CDH10: variants seen among roughly 807,000 people sequenced by gnomAD.
CDH10 encodes the protein cadherin 10.
CDH10 carries 30 observed loss-of-function variants against 73.1 expected under a neutral mutation model. That is an observed-to-expected ratio of 0.41 (90% confidence interval 0.31 to 0.56). The LOEUF (loss-of-function observed/expected upper bound fraction) is 0.56. Ranked by LOEUF, CDH10 falls within the 20% of genes least tolerant of loss-of-function variation. The pLI, the probability that CDH10 is intolerant of heterozygous loss-of-function variation, is 0.27. For synonymous variants in CDH10, 345 were observed against 348.2 expected, an observed-to-expected ratio of 0.99 and a Z score of 0.10; for missense variants, 815 against 973.7, an observed-to-expected ratio of 0.84 and a Z score of 2.17.
intron 1 of CDH10, among the ~76,000 whole-genome samples, chr5:24,618,607 G>T (rs1164805063): frequency 1.3e-5 from 2 of 152,114 alleles, no homozygotes; most frequent in African/African-American, 4.8e-5. Flanking sequence ...AACAAGTACT[G>T]GTTCTAGCCA....
At chr5:24,564,639 G>A (rs1745101459) in intron 2 of CDH10, among the ~76,000 whole-genome samples, 2 of 152,090 alleles carry the variant, frequency 1.3e-5, no homozygotes, top group Non-Finnish European at 2.9e-5. Context: ...TTTAAAACAT[G>A]AATTCACATC....
At chr5:24,634,198 C>T (rs1053919255) in intron 1 of CDH10, among the ~76,000 whole-genome samples, 1 of 151,686 alleles carries the variant, frequency 6.6e-6, no homozygotes, top group Non-Finnish European at 1.5e-5. Context: ...ATTCAATAAC[C>T]ATTTCTTGGG....
At chr5:24,604,901 ACAAACAAAC>A (rs1746704564) in intron 1 of CDH10, among the ~76,000 whole-genome samples, 4 of 150,168 alleles carry the variant, frequency 2.7e-5, no homozygotes, top group African/African-American at 1.0e-4. Context: ...AAAAACAAAA[ACAAACAAAC>A]AAACAAAAGA....
intron 8 of CDH10, among the ~76,000 whole-genome samples, chr5:24,501,575 T>C (rs1315334766): frequency 6.6e-6 from 1 of 152,204 alleles, no homozygotes; most frequent in South Asian, 2.1e-4. Flanking sequence ...GATCTTAAAA[T>C]GTATGTCCTA....
At chr5:24,514,732 A>C (rs1579744481) in intron 5 of CDH10, among the ~76,000 whole-genome samples, 2 of 152,266 alleles carry the variant, frequency 1.3e-5, no homozygotes, top group Middle Eastern at 3.4e-3. Flanking sequence ...TAAAATCTTC[A>C]TTATTACTAG....
chr5:24,591,546 A>C lies in CDH10; in HGVS notation c.231+1714T>G, dbSNP rs148619623. On this transcript the variant is annotated intron_variant, in intron 2 of 11. Transcript: ENST00000264463. ...GAGTTGTATATCAAGATGCATATAT[A>C]TTAAGTTTACCAACTTAATTGTCTT... 3.6e-3 allele frequency among the ~76,000 whole-genome samples: 547 copies of C among 152,058 alleles called. 1 individual carries two copies. Among genetic ancestry groups the C allele is most frequent in the Middle Eastern group, 0.014 (4 of 294 alleles).
At chr5:24,613,522 G>GAA (rs34515702) in intron 1 of CDH10, among the ~76,000 whole-genome samples, 2,151 of 122,716 alleles carry the variant, frequency 0.018, 32 homozygotes, top group African/African-American at 0.032. Context: ...TCTTTGCTGG[G>GAA]AAAAAAAAAA....
chr5:24,616,547 T>C (rs1000088976), intron 1 of CDH10, among the ~76,000 whole-genome samples: 1 of 152,064 alleles, frequency 6.6e-6, no homozygotes, highest in Non-Finnish European at 1.5e-5. Flanking sequence ...ATTAGTAGAT[T>C]GCAATTTTTT....
At chr5:24,640,900 CAAGA>C (rs879718399) in intron 1 of CDH10, among the ~76,000 whole-genome samples, 1 of 151,792 alleles carries the variant, frequency 6.6e-6, no homozygotes. Context: ...TTAAAAAAAT[CAAGA>C]GTTACTTTTT....
At chr5:24,562,953 A>C (rs559402337) in intron 2 of CDH10, among the ~76,000 whole-genome samples, 8 of 152,220 alleles carry the variant, frequency 5.3e-5, no homozygotes, top group Non-Finnish European at 1.2e-4. Context: ...TTCAGTTGGC[A>C]TTTCTTACAA....
intron 2 of CDH10, among the ~76,000 whole-genome samples, chr5:24,582,308 T>C (rs920624478): frequency 1.3e-5 from 2 of 152,148 alleles, no homozygotes; most frequent in Non-Finnish European, 2.9e-5. Flanking sequence ...ACAACAATAT[T>C]TGGCAAAAGA....
At chr5:24,528,854 C>T (rs887609631) in intron 5 of CDH10, among the ~76,000 whole-genome samples, 9 of 151,744 alleles carry the variant, frequency 5.9e-5, no homozygotes, top group African/African-American at 1.9e-4. Flanking sequence ...GCTTAAAAGC[C>T]GAATAACCTG....
intron 1 of CDH10, among the ~76,000 whole-genome samples, chr5:24,640,954 GTAT>G (rs1313863752): frequency 4.6e-5 from 7 of 151,886 alleles, no homozygotes; most frequent in Non-Finnish European, 8.8e-5. Context: ...AGCAAAAGTT[GTAT>G]TAATAATTTT....
intron 5 of CDH10, among the ~76,000 whole-genome samples, chr5:24,531,214 G>A (rs976130489): frequency 6.6e-6 from 1 of 151,966 alleles, no homozygotes; most frequent in Admixed American, 6.6e-5. Flanking sequence ...CCCTTCCCCA[G>A]TCACCAAATC....
intron 7 of CDH10, among the ~76,000 whole-genome samples, chr5:24,506,628 T>C (rs1243128777): frequency 6.6e-6 from 1 of 152,182 alleles, no homozygotes; most frequent in Non-Finnish European, 1.5e-5. Flanking sequence ...TCAATGAGTA[T>C]TATTTGATTA....
intron 2 of CDH10, among the ~76,000 whole-genome samples, chr5:24,551,704 C>A (rs886704919): frequency 6.6e-6 from 1 of 152,042 alleles, no homozygotes; most frequent in Non-Finnish European, 1.5e-5. Flanking sequence ...TAGAGATATT[C>A]ATTTAGTCAT....
chr5:24,530,197 T>C (rs948497002), intron 5 of CDH10, among the ~76,000 whole-genome samples: 3 of 151,726 alleles, frequency 2.0e-5, no homozygotes, highest in Non-Finnish European at 2.9e-5. Flanking sequence ...AGACATTCTC[T>C]GGAGTGTTAA....
chr5:24,488,083 A>G lies in CDH10; in HGVS notation c.1947T>C (p.Asp649=), dbSNP rs201007562. ...TATAGCTCACAATGTTGTCTCTGATATCTTCTTTTGACAAGATCAGAGGCT... is the reference window on the plus strand; with the variant it reads ...TATAGCTCACAATGTTGTCTCTGATGTCTTCTTTTGACAAGATCAGAGGCT... ...KKEPLILSKE[D]IRDNIVSYND... is the part of the protein sequence containing the mutation. Residue 649 remains aspartate (D), a synonymous_variant, in exon 12 of 12, where the codon GAT becomes GAC. Transcript: ENST00000264463. 7 of 1,613,776 alleles carry G rather than the reference A, an allele frequency of 4.3e-6. No individual in the cohort carries two copies. The Admixed American group carries it at 1.2e-4, about 27-fold the overall frequency.
rs2111883149 is a variant in CDH10 at position 24,535,763 on chromosome 5, C to T, written c.586G>A (p.Ala196Thr). 5 of 1,610,268 alleles carry T rather than the reference C, an allele frequency of 3.1e-6. No individual in the cohort carries two copies. Among genetic ancestry groups the T allele is most frequent in the Non-Finnish European group, 4.2e-6 (5 of 1,177,204 alleles). The change falls in exon 4 of 12, where the codon GCC (alanine) becomes ACC (threonine). Residue 196 changes from alanine (A) to threonine (T), a missense_variant. Physicochemically the swap from Ala to Thr is moderately conservative, Grantham distance 58 (BLOSUM62 0). This residue lies in a region of CDH10 where 516 missense variants were observed against 636.6 expected (regional missense o/e 0.81). Coordinates refer to ENST00000264463, the MANE Select transcript of CDH10 (RefSeq NM_006727.5). ...DADDPSYGNS[A>T]RVIYSILQGQ... ...TGAAGTATGCTGTAAATGACTCTGG[C>T]GCTGTTCCCATATGAAGGGTCATCG...
Sources: allele counts gnomAD v4.1 joint callset (sites outside exome capture counted in the v4.1 genomes callset), GRCh38; gene constraint gnomAD v4.1.1; regional missense constraint gnomAD v4.1.1; transcripts MANE v1.5; gene names NCBI Gene and HGNC (gene_info 2026-07-23, HGNC 2026-07-21).